The following SF3B1 variants were observed in gnomAD, a reference collection of about 807,000 sequenced individuals.
The protein encoded by SF3B1 is pre-mRNA processing 10.
A neutral mutation model predicts 153.8 loss-of-function variants in SF3B1; 12 were observed. The ratio of observed to expected loss-of-function variants is 0.08; its 90% CI spans 0.05 to 0.13. The LOEUF is 0.13. Ranked by LOEUF, SF3B1 falls within the 10% of genes least tolerant of loss-of-function variation. The pLI is 1.00. For synonymous variants in SF3B1, 498 were observed against 525.2 expected, an observed-to-expected ratio of 0.95 and a Z score of 0.71; for missense variants, 513 against 1,606.1, an observed-to-expected ratio of 0.32 and a Z score of 11.63.
In SF3B1 at chr2:197,401,328, ACATG is replaced by A; in HGVS notation, c.2496+68_2496+71del. The A allele has an allele frequency of 1.5e-6, 2 of 1,333,104 alleles. No individual in the cohort carries two copies. The highest frequency in any genetic ancestry group is 2.1e-6 in the Non-Finnish European group (2 of 960,320). 82.6% of individuals were successfully genotyped at this position (1,333,104 alleles called of 1,614,324 possible). The stretch of plus-strand genomic sequence containing the variant: ...TAATCAAGGCAAAAAATAATATACA[ACATG>A]CATTCAAGTTGACTAAAGAATGAGT... On this transcript the variant is annotated intron_variant, in intron 17 of 24. Transcript: ENST00000335508. This position sits in a 1 kb window ranked among gnomAD's most constrained non-coding sequence, Gnocchi z 4.2.
intron 6 of SF3B1, among the ~76,000 whole-genome samples, chr2:197,415,491 A>T (rs1223858596): frequency 6.6e-6 from 1 of 151,978 alleles, no homozygotes; most frequent in African/African-American, 2.4e-5. Context: ...CCTGACCTCA[A>T]GATCCGCCTG....
intron 8 of SF3B1, 93 bp from the exon 9 acceptor site, chr2:197,408,212 AT>A (rs2085020436): frequency 3.8e-6 from 5 of 1,310,858 alleles, no homozygotes; most frequent in Non-Finnish European, 5.3e-6. Flanking sequence ...CAATCCTATT[AT>A]TTGCTTTTAT....
In SF3B1 at chr2:197,400,586, G is replaced by T; in HGVS notation, c.2718+129C>A. On this transcript the variant is annotated intron_variant, in intron 18 of 24. Coordinates refer to ENST00000335508, the MANE Select transcript of SF3B1 (RefSeq NM_012433.4). The surrounding 1 kb of genome is among the most constrained non-coding windows in gnomAD (Gnocchi z 5.0). The stretch of plus-strand genomic sequence containing the variant: ...AACTTGAGGTAGAATAATATCGTTT[G>T]GTAACCCCCTGAGCATTTTAAAAAT... 1 of 997,864 alleles carries T rather than the reference G, an allele frequency of 1.0e-6. No homozygotes were observed. The highest frequency in any genetic ancestry group is 1.5e-6 in the Non-Finnish European group (1 of 685,722). 61.8% of individuals were successfully genotyped at this position (997,864 alleles called of 1,614,324 possible).
chr2:197,409,695 T>C lies in SF3B1; in HGVS notation c.904+75A>G, dbSNP rs1456829260. ...TTATTTATACGTGTCCACCCAGGAA[T>C]AAACAGAACACATTTCAGTCTGTAA... On this transcript the variant is annotated intron_variant, in intron 7 of 24. Transcript: ENST00000335508. 6 of 1,173,304 alleles carry C rather than the reference T, an allele frequency of 5.1e-6. 1 individual carries two copies. The highest frequency in any genetic ancestry group is 3.5e-5 in the Admixed American group (2 of 56,990). The allele number at this position is 1,173,304 out of a possible 1,614,324, so 72.7% of individuals were successfully genotyped here. A position where few individuals can be genotyped will look rare whatever the true frequency, so the allele number is the denominator to read the frequency against.
chr2:197,425,269 C>A (rs2085315759), intron 1 of SF3B1, among the ~76,000 whole-genome samples: 1 of 152,160 alleles, frequency 6.6e-6, no homozygotes, highest in African/African-American at 2.4e-5. Context: ...AGTTCAAGAC[C>A]AGCCTGGCCA....
In SF3B1 at chr2:197,416,926, G is replaced by C. The variant is rs186341784; in HGVS notation, c.496-15C>G. 2.5e-6 allele frequency: 4 copies of C among 1,608,528 alleles called. No individual in the cohort carries two copies. The East Asian group carries it at 6.7e-5, about 27-fold the overall frequency. ...CTAATTTCTCGCTGAAAAAAACAGT[G>C]AGTATTTACCTTTAAAATGCTTTCA... On this transcript the variant is annotated splice_polypyrimidine_tract_variant and intron_variant, in intron 5 of 24. Coordinates refer to ENST00000335508, the MANE Select transcript of SF3B1 (RefSeq NM_012433.4).
At chr2:197,414,641 T>G (rs184388678) in intron 6 of SF3B1, among the ~76,000 whole-genome samples, 1 of 152,208 alleles carries the variant, frequency 6.6e-6, no homozygotes, top group Non-Finnish European at 1.5e-5. Context: ...TTAGGTGGAA[T>G]AGACTAGAAC....
chr2:197,407,906 G>T, intron 9 of SF3B1, 92 bp downstream of exon 9: 3 of 1,100,978 alleles, frequency 2.7e-6, no homozygotes, highest in Admixed American at 1.9e-5. Context: ...TAGTAAATTT[G>T]GGCAAAGCCA....
chr2:197,406,214 G>C (rs996783214), intron 9 of SF3B1, among the ~76,000 whole-genome samples: 32 of 149,608 alleles, frequency 2.1e-4, no homozygotes, highest in African/African-American at 7.1e-4. Flanking sequence ...GACCAGCCTT[G>C]GCAACATGGC....
chr2:197,393,449 A>G (rs1369324008), intron 23 of SF3B1: 2 of 461,926 alleles, frequency 4.3e-6, no homozygotes, highest in Non-Finnish European at 7.7e-6. Context: ...CATATTTTCT[A>G]ATTAACTTTT....
chr2:197,426,008 A>C (rs756031054), intron 1 of SF3B1, among the ~76,000 whole-genome samples: 4 of 151,868 alleles, frequency 2.6e-5, no homozygotes, highest in Non-Finnish European at 5.9e-5. Context: ...AAACAAACAG[A>C]AAGAAAGAAA....
chr2:197,420,153 C>T, intron 4 of SF3B1: 1 of 367,876 alleles, frequency 2.7e-6, no homozygotes, highest in Non-Finnish European at 5.0e-6. Context: ...AGAAAGCGTA[C>T]CCAAAACAAA....
At chr2:197,420,786 G>C (rs1337422959) in intron 3 of SF3B1, among the ~76,000 whole-genome samples, 1 of 152,162 alleles carries the variant, frequency 6.6e-6, no homozygotes, top group Non-Finnish European at 1.5e-5. Context: ...ATGACAGCCT[G>C]TGTGTATAAT....
intron 1 of SF3B1, among the ~76,000 whole-genome samples, chr2:197,427,240 T>C (rs2085349142): frequency 6.6e-6 from 1 of 152,208 alleles, no homozygotes; most frequent in Non-Finnish European, 1.5e-5. Context: ...AGTTAATTAA[T>C]CCTAAGGTGA....
chr2:197,409,268 G>A (rs542692689), intron 7 of SF3B1, among the ~76,000 whole-genome samples: 36 of 152,124 alleles, frequency 2.4e-4, no homozygotes, highest in East Asian at 2.1e-3. Flanking sequence ...GCTTGGTGGC[G>A]CATGCCTGTA....
chr2:197,418,378 CT>C, intron 5 of SF3B1, 130 bp downstream of exon 5: 1 of 580,122 alleles, frequency 1.7e-6, no homozygotes, highest in South Asian at 3.2e-5. Flanking sequence ...GGGTAAGATT[CT>C]TTCTCAGTTA....
At chr2:197,417,933 C>T (rs2085177094) in intron 5 of SF3B1, among the ~76,000 whole-genome samples, 1 of 151,710 alleles carries the variant, frequency 6.6e-6, no homozygotes, top group Admixed American at 6.6e-5. Flanking sequence ...ACCTTCTCCA[C>T]ACAGAAACCA....
At chr2:197,431,962 A>G (rs1202265695) in intron 1 of SF3B1, among the ~76,000 whole-genome samples, 1 of 152,058 alleles carries the variant, frequency 6.6e-6, no homozygotes, top group Non-Finnish European at 1.5e-5. Flanking sequence ...ATCTCTAAAA[A>G]AAAATTGTAA....
intron 4 of SF3B1, chr2:197,419,196 ATT>A (rs1004653856): frequency 4.4e-6 from 2 of 457,154 alleles, no homozygotes; most frequent in African/African-American, 4.0e-5. Context: ...CAGAAAACAT[ATT>A]TTTATTTCTT....
Sources: allele counts gnomAD v4.1 joint callset (sites outside exome capture counted in the v4.1 genomes callset), GRCh38; gene constraint gnomAD v4.1.1; non-coding constraint Gnocchi (gnomAD v3.1); transcripts MANE v1.5; gene names NCBI Gene and HGNC (gene_info 2026-07-23, HGNC 2026-07-21).